The following SCAI variants were observed in gnomAD, a reference collection of about 807,000 sequenced individuals.
SCAI encodes suppressor of cancer cell invasion.
Under a neutral mutation model 92.2 loss-of-function variants are expected in SCAI, and 24 were observed. The ratio of observed to expected loss-of-function variants is 0.26; its 90% CI spans 0.19 to 0.37. SCAI has a LOEUF of 0.37. Ranked by LOEUF, SCAI falls within the 10% of genes least tolerant of loss-of-function variation. The probability of loss-of-function intolerance (pLI) is 1.00; values close to 1 mark genes in which losing one functional copy is unlikely to be tolerated. For synonymous variants in SCAI, 261 were observed against 258.6 expected, an observed-to-expected ratio of 1.01 and a Z score of -0.09; for missense variants, 450 against 736.2, an observed-to-expected ratio of 0.61 and a Z score of 4.50.
At chr9:125,121,605 CT>C (rs1213190763) in intron 2 of SCAI, among the ~76,000 whole-genome samples, 1 of 152,078 alleles carries the variant, frequency 6.6e-6, no homozygotes, top group African/African-American at 2.4e-5. Context: ...AATCCCAGCA[CT>C]TTGAGAGGCC....
At position 125,004,753 on chromosome 9, in the gene SCAI, A is replaced by T. The variant is rs865868875; in HGVS notation, c.862-1183T>A. 7.8e-4 allele frequency among the ~76,000 whole-genome samples: 7 copies of T among 9,004 alleles called. 1 individual carries two copies. Among genetic ancestry groups the T allele is most frequent in the Non-Finnish European group, 1.2e-3 (5 of 4,182 alleles). The allele number at this position is 9,004 out of a possible 152,430, so 5.9% of individuals were successfully genotyped here. A position where few individuals can be genotyped will look rare whatever the true frequency, so the allele number is the denominator to read the frequency against. ...GTGATCCATATATATATATATATAT[A>T]TATATATATATATATATATATATAT... is the stretch of plus-strand genomic sequence containing the variant. On this transcript the variant is annotated intron_variant, in intron 9 of 17. Transcript: ENST00000336505.
rs3739764 is a variant in SCAI at position 124,968,178 on chromosome 9, C to T, written c.1674+3192G>A. On this transcript the variant is annotated intron_variant, in intron 17 of 17. Coordinates refer to ENST00000336505, the MANE Select transcript of SCAI (RefSeq NM_001144877.3). Reference sequence around the variant, plus strand: ...ACACGTTCTTTCCACAGAGCTGTTCCTCAAAAGCAGGAATGAAAAACAAAA... The same window carrying T: ...ACACGTTCTTTCCACAGAGCTGTTCTTCAAAAGCAGGAATGAAAAACAAAA... The T allele has an allele frequency of 1.4e-5, 9 of 623,518 alleles. No individual in the cohort carries two copies. The East Asian group carries it at 2.9e-4, about 20-fold the overall frequency. 38.6% of individuals were successfully genotyped at this position (623,518 alleles called of 1,614,324 possible). A position where few individuals can be genotyped will look rare whatever the true frequency, so the allele number is the denominator to read the frequency against.
At chr9:125,135,471 G>A (rs912160836) in intron 2 of SCAI, among the ~76,000 whole-genome samples, 1 of 151,796 alleles carries the variant, frequency 6.6e-6, no homozygotes, top group Non-Finnish European at 1.5e-5. Context: ...AGCCACCATG[G>A]GGAAACCCCG....
At chr9:125,075,944 C>T (rs72765265) in intron 2 of SCAI, among the ~76,000 whole-genome samples, 17,338 of 152,140 alleles carry the variant, frequency 0.11, 1,094 homozygotes, top group Non-Finnish European at 0.13. Flanking sequence ...GCAATCCACT[C>T]TCATCGGCCT....
intron 4 of SCAI, among the ~76,000 whole-genome samples, chr9:125,029,282 T>C (rs979518046): frequency 6.6e-6 from 1 of 151,910 alleles, no homozygotes; most frequent in Non-Finnish European, 1.5e-5. Context: ...CCACCACACC[T>C]GGCTAATTTT....
chr9:124,990,057 C>T (rs998571448), intron 14 of SCAI, among the ~76,000 whole-genome samples: 1 of 151,612 alleles, frequency 6.6e-6, no homozygotes, highest in Non-Finnish European at 1.5e-5. Flanking sequence ...ACCTGTAATC[C>T]GAGCTACTCA....
chr9:125,058,311 T>C (rs576975705), intron 2 of SCAI, among the ~76,000 whole-genome samples: 141 of 151,904 alleles, frequency 9.3e-4, no homozygotes, highest in Non-Finnish European at 1.7e-3. Flanking sequence ...GTCAGGAGTT[T>C]GAGACCAGCC....
intron 2 of SCAI, among the ~76,000 whole-genome samples, chr9:125,111,797 G>C (rs1013577323): frequency 1.3e-5 from 2 of 152,148 alleles, no homozygotes; most frequent in Non-Finnish European, 2.9e-5. Flanking sequence ...TTTCTAGGAT[G>C]TAGCGCAGGG....
chr9:125,112,148 G>A (rs137908431), intron 2 of SCAI, among the ~76,000 whole-genome samples: 39 of 152,278 alleles, frequency 2.6e-4, no homozygotes, highest in African/African-American at 8.7e-4. Flanking sequence ...GAAGGGTCAT[G>A]TCACATTAGT....
At chr9:125,007,717 G>A (rs1321749751) in intron 9 of SCAI, among the ~76,000 whole-genome samples, 3 of 152,086 alleles carry the variant, frequency 2.0e-5, no homozygotes, top group Non-Finnish European at 2.9e-5. Flanking sequence ...GAAGTGTGTG[G>A]CACAATCATG....
intron 3 of SCAI, among the ~76,000 whole-genome samples, chr9:125,041,355 T>C (rs1298177240): frequency 1.3e-5 from 2 of 152,208 alleles, no homozygotes; most frequent in East Asian, 1.9e-4. Context: ...CTTTCTCTTA[T>C]GAAGCTGCTG....
At chr9:125,048,849 G>A (rs1214542406) in intron 3 of SCAI, among the ~76,000 whole-genome samples, 2 of 151,924 alleles carry the variant, frequency 1.3e-5, no homozygotes, top group Admixed American at 6.6e-5. Flanking sequence ...AGGTTCAAGC[G>A]ATTCTCCTTC....
chr9:124,977,689 A>G (rs577198121), intron 14 of SCAI, among the ~76,000 whole-genome samples: 1 of 152,174 alleles, frequency 6.6e-6, no homozygotes, highest in Non-Finnish European at 1.5e-5. Context: ...AAAAAACAAA[A>G]CAAAACAAAA....
rs1363453065 is a variant in SCAI, at chr9:125,018,784, T to C, written c.861+15A>G. The C allele has an allele frequency of 6.3e-7, 1 of 1,594,084 alleles. No individual in the cohort carries two copies. Among genetic ancestry groups the C allele is most frequent in the Non-Finnish European group, 8.5e-7 (1 of 1,169,878 alleles). ...CACAGTGAATTTTAAGCATAATTCC[T>C]TCACAATTCTTTACCTGATTATTAC... On this transcript the variant is annotated intron_variant, in intron 9 of 17. Transcript: ENST00000336505.
At chr9:124,984,847 T>A (rs1831956305) in intron 14 of SCAI, among the ~76,000 whole-genome samples, 1 of 152,088 alleles carries the variant, frequency 6.6e-6, no homozygotes, top group Non-Finnish European at 1.5e-5. Context: ...CATCAGGAAG[T>A]CAGCTGTAGG....
chr9:124,950,750 T>A lies in SCAI; in HGVS notation c.*2057A>T, dbSNP rs1021625425. On this transcript the variant is annotated 3_prime_UTR_variant, in exon 18 of 18. Coordinates refer to ENST00000336505, the MANE Select transcript of SCAI (RefSeq NM_001144877.3). ...CTGTTTGAAAGAACAAACAAAAAAATTTTTAAAAAGTAAACAGGCCAGGTA... is the reference window on the plus strand; with the variant it reads ...CTGTTTGAAAGAACAAACAAAAAAAATTTTAAAAAGTAAACAGGCCAGGTA... 6.6e-6 allele frequency: 1 copy of A among 152,052 alleles called. No homozygotes were observed. Among genetic ancestry groups the A allele is most frequent in the African/African-American group, 2.4e-5 (1 of 41,422 alleles). 9.4% of individuals were successfully genotyped at this position (152,052 alleles called of 1,614,324 possible). A position where few individuals can be genotyped will look rare whatever the true frequency, so the allele number is the denominator to read the frequency against.
chr9:125,034,887 T>TAC (rs1833160333), intron 3 of SCAI, among the ~76,000 whole-genome samples: 1 of 152,352 alleles, frequency 6.6e-6, no homozygotes, highest in Non-Finnish European at 1.5e-5. Context: ...CTTTGCTATG[T>TAC]ATAATATTTA....
chr9:125,087,115 A>G (rs1468968400), intron 2 of SCAI, among the ~76,000 whole-genome samples: 1 of 152,230 alleles, frequency 6.6e-6, no homozygotes, highest in Non-Finnish European at 1.5e-5. Context: ...GAATGTAACT[A>G]GAGAAAACAG....
At chr9:125,125,410 CCTAG>C (rs1835240880) in intron 2 of SCAI, among the ~76,000 whole-genome samples, 1 of 151,924 alleles carries the variant, frequency 6.6e-6, no homozygotes, top group African/African-American at 2.4e-5. Flanking sequence ...TGCCTGTAAT[CCTAG>C]CTACTCAGGT....
Sources: allele counts gnomAD v4.1 joint callset (sites outside exome capture counted in the v4.1 genomes callset), GRCh38; gene constraint gnomAD v4.1.1; transcripts MANE v1.5; gene names NCBI Gene and HGNC (gene_info 2026-07-23, HGNC 2026-07-21).